Variants in IGSF3 observed in about 807,000 individuals in gnomAD.
IGSF3 encodes glu-Trp-Ile EWI motif-containing protein 3.
Under a neutral mutation model 114.4 loss-of-function variants are expected in IGSF3, and 23 were observed. The ratio of observed to expected loss-of-function variants is 0.20; its 90% CI spans 0.14 to 0.28. The LOEUF (loss-of-function observed/expected upper bound fraction) is 0.28, where lower values mean the gene tolerates loss of function less well. Ranked by LOEUF, IGSF3 falls within the 10% of genes least tolerant of loss-of-function variation. The pLI is 1.00. For missense variants in IGSF3, 1,172 were observed against 1,591.5 expected (o/e 0.74, Z 4.48); for synonymous variants, 571 against 645.2 (o/e 0.88, Z 1.74).
rs569163276 is a variant in IGSF3, at chr1:116,632,194, G to A, written c.44-15737C>T. Reference sequence around the variant, plus strand: ...TGAGGGCTCTGATGATATAGTTGTGGAGGTTATCAGTTTGCCAGAGCTGCA... The same window carrying A: ...TGAGGGCTCTGATGATATAGTTGTGAAGGTTATCAGTTTGCCAGAGCTGCA... On this transcript the variant is annotated intron_variant, in intron 2 of 10. Transcript: ENST00000369486. The surrounding 1 kb of genome is among the most constrained non-coding windows in gnomAD (Gnocchi z 5.1). Among the ~76,000 whole-genome samples the A allele has an allele frequency of 9.8e-5, 15 of 152,286 alleles. No individual in the cohort carries two copies. The East Asian group carries it at 2.9e-3, about 29-fold the overall frequency.
rs1557851559 is a variant in IGSF3, at chr1:116,577,487, A to G, written c.3410T>C (p.Phe1137Ser). Residue 1137 changes from phenylalanine (F) to serine (S), a missense_variant, in exon 11 of 11, where the codon TTT becomes TCT. By Grantham distance (155) the Phe-to-Ser change is radical. This residue lies in a region of IGSF3 where 423 missense variants were observed against 509.8 expected (regional missense o/e 0.83). Transcript: ENST00000369486. This position sits in a 1 kb window ranked among gnomAD's most constrained non-coding sequence, Gnocchi z 5.7. ...AAGGATGGTGATGATAAGAATGCCA[A>G]AGATGGGGAAAGGGTAGAAGAAGAC... is the stretch of plus-strand genomic sequence containing the variant. ...YFVFFYPFPI[F>S]GILIITILLV... is the part of the protein sequence containing the mutation. 2 of 1,614,186 alleles carry G rather than the reference A, an allele frequency of 1.2e-6. No homozygotes were observed. Among genetic ancestry groups the G allele is most frequent in the Non-Finnish European group, 8.5e-7 (1 of 1,180,016 alleles).
At position 116,610,256 on chromosome 1, in the gene IGSF3, G is replaced by A. The variant is rs1189654125; in HGVS notation, c.833-1925C>T. ...CACTCCTTCCACATAAACACCACTG[G>A]AGCTGTGCAAGGGGTACCCTAGACC... is the stretch of plus-strand genomic sequence containing the variant. On this transcript the variant is annotated intron_variant, in intron 4 of 10. Coordinates refer to ENST00000369486, the MANE Select transcript of IGSF3 (RefSeq NM_001007237.3). This position sits in a 1 kb window ranked among gnomAD's most constrained non-coding sequence, Gnocchi z 4.3. Among the ~76,000 whole-genome samples, 1 of 152,136 alleles carries A rather than the reference G, an allele frequency of 6.6e-6. No homozygotes were observed. The highest frequency in any genetic ancestry group is 1.5e-5 in the Non-Finnish European group (1 of 68,024).
At position 116,583,984 on chromosome 1, in the gene IGSF3, A is replaced by T. The variant is rs1423403052; in HGVS notation, c.2848+661T>A. ...GTGGTGGGGGTCACGAGGTCAGGAGATCGAGACCAGCTTGGCCAACATGAT... is the reference window on the plus strand; with the variant it reads ...GTGGTGGGGGTCACGAGGTCAGGAGTTCGAGACCAGCTTGGCCAACATGAT... On this transcript the variant is annotated intron_variant, in intron 9 of 10. Transcript: ENST00000369486. This position sits in a 1 kb window ranked among gnomAD's most constrained non-coding sequence, Gnocchi z 4.5. 2.0e-5 allele frequency among the ~76,000 whole-genome samples: 3 copies of T among 152,246 alleles called. No individual in the cohort carries two copies. Among genetic ancestry groups the T allele is most frequent in the Non-Finnish European group, 4.4e-5 (3 of 68,014 alleles).
rs61786587 is a variant in IGSF3, at chr1:116,606,447, G to T, written c.1222+1495C>A. ...AAGCGCCATTAAAATCCAAGGCATT[G>T]TCACCATTACCGATGTGATTGTTGT... On this transcript the variant is annotated intron_variant, in intron 5 of 10. Coordinates refer to ENST00000369486, the MANE Select transcript of IGSF3 (RefSeq NM_001007237.3). 430 of 1,612,116 alleles carry T rather than the reference G, an allele frequency of 2.7e-4. 3 individuals carry two copies. In the East Asian group the frequency reaches 8.2e-3, roughly 31 times the overall value.
rs754237478 is a variant in IGSF3 at position 116,629,106 on chromosome 1, G to A, written c.44-12649C>T. ...GGGGTGGGTCACAAAAGCAGGAAAA[G>A]GTCCCCAAACAAAGAATCCATCAGT... is the stretch of plus-strand genomic sequence containing the variant. On this transcript the variant is annotated intron_variant, in intron 2 of 10. Coordinates refer to ENST00000369486, the MANE Select transcript of IGSF3 (RefSeq NM_001007237.3). This position sits in a 1 kb window ranked among gnomAD's most constrained non-coding sequence, Gnocchi z 4.3. Among the ~76,000 whole-genome samples, 47 of 152,238 alleles carry A rather than the reference G, an allele frequency of 3.1e-4. No homozygotes were observed. The highest frequency in any genetic ancestry group is 6.0e-4 in the Non-Finnish European group (41 of 68,022).
chr1:116,609,894 T>C (rs1660948226), intron 4 of IGSF3, among the ~76,000 whole-genome samples: 2 of 152,054 alleles, frequency 1.3e-5, no homozygotes. Context: ...CTCCTCAGGC[T>C]CTCCAGCCCC....
At chr1:116,656,946 T>G (rs76461965) in intron 2 of IGSF3, among the ~76,000 whole-genome samples, 4,530 of 151,836 alleles carry the variant, frequency 0.03, 85 homozygotes, top group African/African-American at 0.06. Context: ...ATGAATGAAT[T>G]AATTAATTAA....
At position 116,577,404 on chromosome 1, in the gene IGSF3, G is replaced by A; in HGVS notation, c.3493C>T (p.Pro1165Ser). The A allele has an allele frequency of 6.2e-7, 1 of 1,614,154 alleles. No individual in the cohort carries two copies. Among genetic ancestry groups the A allele is most frequent in the Non-Finnish European group, 8.5e-7 (1 of 1,179,992 alleles). Residue 1165 changes from proline to serine, a missense_variant, in exon 11 of 11, where the codon CCT becomes TCT. Pro to Ser is a moderately conservative substitution (Grantham distance 74, BLOSUM62 -1). Coordinates refer to ENST00000369486, the MANE Select transcript of IGSF3 (RefSeq NM_001007237.3). The surrounding 1 kb of genome is among the most constrained non-coding windows in gnomAD (Gnocchi z 5.7). ...SKNSDGKNGV[P>S]LLWIKEPHLN... is the part of the protein sequence containing the mutation. ...TGTGGCTCTTTGATCCACAGCAGAGGCACCCCATTCTTCCCATCAGAGTTC... is the reference window on the plus strand; with the variant it reads ...TGTGGCTCTTTGATCCACAGCAGAGACACCCCATTCTTCCCATCAGAGTTC...
intron 2 of IGSF3, among the ~76,000 whole-genome samples, chr1:116,643,858 A>C (rs1050768176): frequency 1.3e-5 from 2 of 152,230 alleles, no homozygotes; most frequent in African/African-American, 4.8e-5. Flanking sequence ...ATTAGCAGGA[A>C]TCAGGGAAAG....
In IGSF3 at chr1:116,605,469, C is replaced by T. The variant is rs1025202374; in HGVS notation, c.1223-1444G>A. Among the ~76,000 whole-genome samples the T allele has an allele frequency of 6.6e-6, 1 of 152,096 alleles. No homozygotes were observed. Among genetic ancestry groups the T allele is most frequent in the African/African-American group, 2.4e-5 (1 of 41,428 alleles). On this transcript the variant is annotated intron_variant, in intron 5 of 10. Transcript: ENST00000369486. This position sits in a 1 kb window ranked among gnomAD's most constrained non-coding sequence, Gnocchi z 5.1. ...ATTTTCCTAGGAGGGCAACCTCCCC[C>T]AGGACTCATACCAGGATGATTCATA...
rs1262409715 is a variant in IGSF3 at position 116,595,949 on chromosome 1, G to T, written c.2029+3992C>A. On this transcript the variant is annotated intron_variant, in intron 7 of 10. Transcript: ENST00000369486. The surrounding 1 kb of genome is among the most constrained non-coding windows in gnomAD (Gnocchi z 4.2). ...GGGGTCACACTATGTGATCAATGGG[G>T]ATCAGACTAAGCTAGATCAATGGCA... is the stretch of plus-strand genomic sequence containing the variant. Among the ~76,000 whole-genome samples the T allele has an allele frequency of 6.6e-6, 1 of 152,232 alleles. No individual in the cohort carries two copies. The highest frequency in any genetic ancestry group is 1.5e-5 in the Non-Finnish European group (1 of 68,042).
In IGSF3 at chr1:116,622,820, G is replaced by A. The variant is rs190574230; in HGVS notation, c.44-6363C>T. On this transcript the variant is annotated intron_variant, in intron 2 of 10. Coordinates refer to ENST00000369486, the MANE Select transcript of IGSF3 (RefSeq NM_001007237.3). The stretch of plus-strand genomic sequence containing the variant: ...CTCATGACACAGAATGTGACTAAGA[G>A]TTTTCTTATTCCATGGCTCACACTA... Among the ~76,000 whole-genome samples the A allele has an allele frequency of 4.0e-3, 606 of 152,354 alleles. 8 individuals are homozygous for A. The highest frequency in any genetic ancestry group is 0.014 in the African/African-American group (588 of 41,576).
rs1571110043 is a variant in IGSF3 at position 116,579,570 on chromosome 1, C to T, written c.3156G>A (p.Arg1052=). Residue 1052 remains arginine (R), a synonymous_variant, in exon 10 of 11, where the codon AGG becomes AGA. Transcript: ENST00000369486. The surrounding 1 kb of genome is among the most constrained non-coding windows in gnomAD (Gnocchi z 6.4). ...CCGGGGAGAGCCTCTGGAAGCGAAG[C>T]CTGCCCTCCCAAGGACTGCCCTCTG... is the stretch of plus-strand genomic sequence containing the variant. ...FGPEGSPWEG[R]LRFQRLSPVL... 1 of 1,614,124 alleles carries T rather than the reference C, an allele frequency of 6.2e-7. No homozygotes were observed. The highest frequency in any genetic ancestry group is 8.5e-7 in the Non-Finnish European group (1 of 1,180,020).
intron 2 of IGSF3, among the ~76,000 whole-genome samples, chr1:116,621,470 CCAA>C (rs1192818672): frequency 6.6e-6 from 1 of 152,184 alleles, no homozygotes; most frequent in Non-Finnish European, 1.5e-5. Flanking sequence ...CCCTTTCCCC[CCAA>C]CAACATCTTG....
At chr1:116,601,276 A>T (rs1045948377) in intron 6 of IGSF3, among the ~76,000 whole-genome samples, 1 of 152,250 alleles carries the variant, frequency 6.6e-6, no homozygotes, top group African/African-American at 2.4e-5. Context: ...AGTCAATGAC[A>T]GAGTTAGTCT....
intron 2 of IGSF3, among the ~76,000 whole-genome samples, chr1:116,630,851 G>C (rs973731186): frequency 6.6e-6 from 1 of 152,172 alleles, no homozygotes; most frequent in Admixed American, 6.5e-5. Context: ...ACTTGACATA[G>C]GACCTCAGCA....
At chr1:116,604,848 C>T (rs938258135) in intron 5 of IGSF3, among the ~76,000 whole-genome samples, 23 of 152,336 alleles carry the variant, frequency 1.5e-4, no homozygotes, top group African/African-American at 4.1e-4. Context: ...TATTTAAACT[C>T]GACATGCCTC....
intron 7 of IGSF3, among the ~76,000 whole-genome samples, chr1:116,597,176 C>T (rs1208095417): frequency 6.6e-6 from 1 of 152,178 alleles, no homozygotes; most frequent in African/African-American, 2.4e-5. Flanking sequence ...TCTCTCAGAG[C>T]CTCTGTTACT....
Position 116,584,647 on chromosome 1 carries a change from G to A in IGSF3, c.2846C>T (p.Pro949Leu). The A allele has an allele frequency of 6.2e-7, 1 of 1,614,078 alleles. No homozygotes were observed. The highest frequency in any genetic ancestry group is 8.5e-7 in the Non-Finnish European group (1 of 1,179,954). Residue 949 changes from proline (P) to leucine (L), a missense_variant and splice_region_variant, in exon 9 of 11, where the codon CCA becomes CTA. Pro to Leu is a moderately conservative substitution (Grantham distance 98). Coordinates refer to ENST00000369486, the MANE Select transcript of IGSF3 (RefSeq NM_001007237.3). The surrounding 1 kb of genome is among the most constrained non-coding windows in gnomAD (Gnocchi z 5.8). ...AGQTALTVMR[P>L]DASLQVDTVV... ...AGCTTGGGGACGTGGACCCTCACCT[G>A]GTCGCATGACTGTCAGAGCTGTCTG...
Sources: allele counts gnomAD v4.1 joint callset (sites outside exome capture counted in the v4.1 genomes callset), GRCh38; gene constraint gnomAD v4.1.1; regional missense constraint gnomAD v4.1.1; non-coding constraint Gnocchi (gnomAD v3.1); transcripts MANE v1.5; gene names NCBI Gene and HGNC (gene_info 2026-07-23, HGNC 2026-07-21).